Variants in GRID2 observed in about 807,000 individuals in gnomAD.
GRID2 encodes glutamate ionotropic receptor delta type subunit 2.
Under a neutral mutation model 114.8 loss-of-function variants are expected in GRID2, and 33 were observed. The observed-to-expected ratio is 0.29, with a 90% confidence interval of 0.22 to 0.38. GRID2 has a LOEUF of 0.38. Among genes scored for constraint, GRID2 ranks in the 10% least tolerant of loss-of-function variants. The pLI is 1.00. For synonymous variants in GRID2, 505 were observed against 449.9 expected (o/e 1.12, Z -1.55); for missense variants, 1,184 against 1,257.7 (o/e 0.94, Z 0.89).
chr4:92,936,959 C>T (rs1195880206), intron 2 of GRID2, among the ~76,000 whole-genome samples: 3 of 146,334 alleles, frequency 2.1e-5, no homozygotes, highest in Non-Finnish European at 4.5e-5. Flanking sequence ...TTTTCATGTG[C>T]TTGTAAATAA....
At chr4:92,904,793 GAGAA>G (rs1747831346) in intron 2 of GRID2, among the ~76,000 whole-genome samples, 4 of 151,958 alleles carry the variant, frequency 2.6e-5, no homozygotes, top group Admixed American at 2.6e-4. Flanking sequence ...ATGAATTACA[GAGAA>G]AGAACTTTAG....
chr4:93,731,970 C>A (rs945900384), intron 14 of GRID2, among the ~76,000 whole-genome samples: 1 of 152,156 alleles, frequency 6.6e-6, no homozygotes, highest in African/African-American at 2.4e-5. Context: ...CTTCTCCTGA[C>A]TCAACCAGAA....
intron 2 of GRID2, among the ~76,000 whole-genome samples, chr4:92,679,917 G>T (rs1302987026): frequency 6.8e-6 from 1 of 147,042 alleles, no homozygotes; most frequent in Non-Finnish European, 1.5e-5. Context: ...TAAATTGACT[G>T]AAAAAAAAAA....
intron 13 of GRID2, among the ~76,000 whole-genome samples, chr4:93,588,696 G>A (rs72670657): frequency 0.019 from 2,832 of 152,268 alleles, 43 homozygotes; most frequent in Non-Finnish European, 0.028. Flanking sequence ...CAGCAGATGG[G>A]TAAACTAAGT....
At chr4:93,680,929 G>T (rs2110090389) in intron 14 of GRID2, among the ~76,000 whole-genome samples, 1 of 151,572 alleles carries the variant, frequency 6.6e-6, no homozygotes, top group East Asian at 1.9e-4. Context: ...GTTCTGGCCA[G>T]GGCAATTAGG....
At chr4:93,107,289 A>G (rs558014062) in intron 3 of GRID2, among the ~76,000 whole-genome samples, 52 of 152,222 alleles carry the variant, frequency 3.4e-4, no homozygotes, top group Non-Finnish European at 4.0e-4. Flanking sequence ...ATAGAGTGGG[A>G]CCCTGTCTCA....
intron 1 of GRID2, among the ~76,000 whole-genome samples, chr4:92,562,600 C>A (rs1727147783): frequency 6.6e-6 from 1 of 152,108 alleles, no homozygotes; most frequent in Admixed American, 6.6e-5. Flanking sequence ...ACACACAGAT[C>A]AGTGAGGAGC....
intron 12 of GRID2, among the ~76,000 whole-genome samples, chr4:93,501,604 T>C (rs928572002): frequency 6.6e-6 from 1 of 151,988 alleles, no homozygotes; most frequent in Non-Finnish European, 1.5e-5. Flanking sequence ...TTTGTCTCTG[T>C]TTTGGAAAAA....
chr4:92,544,689 C>T (rs1442678332), intron 1 of GRID2, among the ~76,000 whole-genome samples: 1 of 152,092 alleles, frequency 6.6e-6, no homozygotes, highest in Admixed American at 6.6e-5. Flanking sequence ...ACCAAGGTCA[C>T]ATAACTCACT....
chr4:92,678,027 C>T (rs1490646403), intron 2 of GRID2, among the ~76,000 whole-genome samples: 1 of 152,060 alleles, frequency 6.6e-6, no homozygotes, highest in Non-Finnish European at 1.5e-5. Flanking sequence ...AGTACCTTAC[C>T]ACCTTAGGGG....
intron 13 of GRID2, among the ~76,000 whole-genome samples, chr4:93,575,028 C>T (rs1368573699): frequency 2.0e-5 from 3 of 152,152 alleles, no homozygotes; most frequent in African/African-American, 7.2e-5. Context: ...TTTTCTCTGG[C>T]AGCATAGCCA....
intron 4 of GRID2, among the ~76,000 whole-genome samples, chr4:93,119,514 A>G (rs1733587784): frequency 6.6e-6 from 1 of 152,198 alleles, no homozygotes; most frequent in African/African-American, 2.4e-5. Flanking sequence ...CTATTTATAC[A>G]GCAATAGATA....
At chr4:93,113,175 C>T (rs1194293169) in intron 4 of GRID2, among the ~76,000 whole-genome samples, 1 of 152,172 alleles carries the variant, frequency 6.6e-6, no homozygotes, top group Non-Finnish European at 1.5e-5. Flanking sequence ...TATGTTTTAA[C>T]ACCTTTATAG....
At chr4:93,408,817 T>G (rs1032951674) in intron 9 of GRID2, among the ~76,000 whole-genome samples, 3 of 152,196 alleles carry the variant, frequency 2.0e-5, no homozygotes, top group East Asian at 1.9e-4. Flanking sequence ...TGCTGTCTAC[T>G]CTTAGGTCTC....
In GRID2 at chr4:93,206,304, A is replaced by AT. The variant is rs1244065804; in HGVS notation, c.736-1094dup. 3.3e-5 allele frequency among the ~76,000 whole-genome samples: 5 copies of AT among 151,962 alleles called. No homozygotes were observed. The East Asian group carries it at 7.7e-4, about 24-fold the overall frequency. On this transcript the variant is annotated intron_variant, in intron 4 of 15. Coordinates refer to ENST00000282020, the MANE Select transcript of GRID2 (RefSeq NM_001510.4). The stretch of plus-strand genomic sequence containing the variant: ...ACATACCAAATATATTTCCAATTTT[A>AT]TTTTTTGTGATGCAATGCACCTCTT...
chr4:92,406,282 A>G (rs1294300924), intron 1 of GRID2, among the ~76,000 whole-genome samples: 1 of 152,206 alleles, frequency 6.6e-6, no homozygotes, highest in East Asian at 1.9e-4. Flanking sequence ...ACTAATACAT[A>G]ACTTTAAAAT....
At chr4:92,438,390 G>A (rs1009335047) in intron 1 of GRID2, among the ~76,000 whole-genome samples, 4 of 151,234 alleles carry the variant, frequency 2.6e-5, no homozygotes, top group Non-Finnish European at 4.4e-5. Context: ...TCATCTTATC[G>A]CATATTTTTT....
At chr4:93,534,514 T>A (rs1041592790) in intron 13 of GRID2, among the ~76,000 whole-genome samples, 4 of 152,272 alleles carry the variant, frequency 2.6e-5, no homozygotes, top group East Asian at 3.9e-4. Context: ...GTAAACTTTA[T>A]GAGGGCAAGA....
intron 2 of GRID2, among the ~76,000 whole-genome samples, chr4:92,786,670 A>C (rs1186954767): frequency 1.3e-5 from 2 of 151,926 alleles, no homozygotes; most frequent in Non-Finnish European, 1.5e-5. Context: ...AAAATACATT[A>C]TTTAGGGGTT....
Sources: allele counts gnomAD v4.1 joint callset (sites outside exome capture counted in the v4.1 genomes callset), GRCh38; gene constraint gnomAD v4.1.1; transcripts MANE v1.5; gene names NCBI Gene and HGNC (gene_info 2026-07-23, HGNC 2026-07-21).